Variants in TNPO2 observed in about 807,000 individuals in gnomAD.
TNPO2 encodes the protein transportin-2.
A neutral mutation model predicts 111.1 loss-of-function variants in TNPO2; 16 were observed. The observed-to-expected ratio is 0.14, with a 90% confidence interval of 0.10 to 0.22. TNPO2 has a LOEUF of 0.22. Ranked by LOEUF, TNPO2 falls within the 10% of genes least tolerant of loss-of-function variation. The probability of loss-of-function intolerance (pLI) is 1.00; values close to 1 mark genes in which losing one functional copy is unlikely to be tolerated. For missense variants in TNPO2, 530 were observed against 1,173.7 expected (o/e 0.45, Z 8.01); for synonymous variants, 481 against 475.8 (o/e 1.01, Z -0.14).
At chr19:12,713,552 T>C (rs1371266944) in intron 10 of TNPO2, among the ~76,000 whole-genome samples, 2 of 152,026 alleles carry the variant, frequency 1.3e-5, no homozygotes, top group Non-Finnish European at 2.9e-5. Context: ...GACTCACGCC[T>C]GTAATCCTAG....
chr19:12,717,689 A>T (rs1168804797), intron 5 of TNPO2, among the ~76,000 whole-genome samples: 1 of 151,750 alleles, frequency 6.6e-6, no homozygotes, highest in East Asian at 1.9e-4. Flanking sequence ...GTTACTTTTT[A>T]TTTTTGAGAT....
intron 13 of TNPO2, 71 bp downstream of exon 13, chr19:12,710,550 G>C (rs575784902): frequency 6.5e-7 from 1 of 1,540,068 alleles, no homozygotes; most frequent in African/African-American, 1.4e-5. Context: ...TGAGGCATTG[G>C]TGTGGCTAGT....
intron 12 of TNPO2, 61 bp downstream of exon 12, chr19:12,711,235 C>T: frequency 9.5e-6 from 15 of 1,576,734 alleles, no homozygotes; most frequent in Non-Finnish European, 1.3e-5. Flanking sequence ...CTTCTAGTCA[C>T]CTCCCAAGAG....
Position 12,702,200 on chromosome 19 carries a change from G to A in TNPO2, c.2306-23C>T. 1 of 1,600,974 alleles carries A rather than the reference G, an allele frequency of 6.2e-7. No homozygotes were observed. Among genetic ancestry groups the A allele is most frequent in the Non-Finnish European group, 8.5e-7 (1 of 1,171,214 alleles). On this transcript the variant is annotated intron_variant, in intron 21 of 25. Transcript: ENST00000425528. This position sits in a 1 kb window ranked among gnomAD's most constrained non-coding sequence, Gnocchi z 5.5. ...GACCTGCAACCCCGAGCGGCCCCGG[G>A]ACGGTACGTGGCGGGGCCTCTGGCA... is the stretch of plus-strand genomic sequence containing the variant.
chr19:12,715,125 C>A lies in TNPO2; in HGVS notation c.693G>T (p.Lys231Asn). The A allele has an allele frequency of 6.3e-7, 1 of 1,597,904 alleles. No homozygotes were observed. Among genetic ancestry groups the A allele is most frequent in the Non-Finnish European group, 8.5e-7 (1 of 1,170,714 alleles). ...GCATCACCAGGGCACGGCACACATTCTTCCGCACCTCGGGGTCATCATCCA... is the reference window on the plus strand; with the variant it reads ...GCATCACCAGGGCACGGCACACATTATTCCGCACCTCGGGGTCATCATCCA... ...LAVDDDPEVRKNVCRALVMLL... is the reference protein window; with the variant it reads ...LAVDDDPEVRNNVCRALVMLL... The change falls in exon 9 of 26, where the codon AAG (lysine) becomes AAT (asparagine). Residue 231 changes from lysine (K) to asparagine (N), a missense_variant. By Grantham distance (94) the Lys-to-Asn change is moderately conservative (BLOSUM62 0). This residue lies in a region of TNPO2 where 156 missense variants were observed against 405.8 expected (regional missense o/e 0.38). Transcript: ENST00000425528. This position sits in a 1 kb window ranked among gnomAD's most constrained non-coding sequence, Gnocchi z 7.1.
rs1370191232 is a variant in TNPO2 at position 12,705,473 on chromosome 19, C to T, written c.1863+19G>A. On this transcript the variant is annotated intron_variant, in intron 17 of 25. Coordinates refer to ENST00000425528, the MANE Select transcript of TNPO2 (RefSeq NM_001382241.1). The surrounding 1 kb of genome is among the most constrained non-coding windows in gnomAD (Gnocchi z 7.2). ...CAGGCCAATGCAGAAGCACAGGTGA[C>T]GGGCCTAGGGTTGCTCACCATGGCC... 9.5e-6 allele frequency: 15 copies of T among 1,581,824 alleles called. No homozygotes were observed. Among genetic ancestry groups the T allele is most frequent in the South Asian group, 2.3e-5 (2 of 86,410 alleles).
Position 12,706,710 on chromosome 19 carries a change from G to A in TNPO2, c.1356C>T (p.Arg452=). The A allele has an allele frequency of 6.2e-7, 1 of 1,613,866 alleles. No individual in the cohort carries two copies. The highest frequency in any genetic ancestry group is 8.5e-7 in the Non-Finnish European group (1 of 1,179,850). The change falls in exon 14 of 26, where the codon CGC becomes CGT. Residue 452 remains arginine, a synonymous_variant. Transcript: ENST00000425528. The surrounding 1 kb of genome is among the most constrained non-coding windows in gnomAD (Gnocchi z 7.0). ...GGCTCAGCGTCCAGCAGGCGATGGA[G>A]CGGACCAAGGCCTTCTTATCCGACA... ...QCLSDKKALV[R]SIACWTLSRY...
chr19:12,710,885 G>A, intron 12 of TNPO2, 112 bp from the exon 13 acceptor site: 8 of 1,144,832 alleles, frequency 7.0e-6, no homozygotes, highest in Non-Finnish European at 8.3e-6. Context: ...TTCACGATCA[G>A]CTTCTTTTTT....
chr19:12,720,892 C>A lies in TNPO2; in HGVS notation c.86G>T (p.Arg29Leu). Residue 29 changes from arginine to leucine, a missense_variant, in exon 3 of 26, where the codon CGC becomes CTC. Physicochemically the swap from Arg to Leu is moderately radical, Grantham distance 102. Around this residue, in one of 4 missense-constraint regions of TNPO2, gnomAD observed 156 missense variants for 405.8 expected, o/e 0.38. Transcript: ENST00000425528. ...DSQSPNTATQ[R>L]IVQDKLKQLN... is the part of the protein sequence containing the mutation. ...AAGGAAGGATACATCCTGCACGATG[C>A]GCTGAGTGGCTGTGTTGGGCGACTG... The A allele has an allele frequency of 6.2e-7, 1 of 1,603,276 alleles. No homozygotes were observed. The highest frequency in any genetic ancestry group is 8.5e-7 in the Non-Finnish European group (1 of 1,175,484).
rs937476258 is a variant in TNPO2, at chr19:12,706,082, T to C, written c.1668+114A>G. On this transcript the variant is annotated intron_variant, in intron 15 of 25. Coordinates refer to ENST00000425528, the MANE Select transcript of TNPO2 (RefSeq NM_001382241.1). The surrounding 1 kb of genome is among the most constrained non-coding windows in gnomAD (Gnocchi z 7.0). ...GCGAGGGCGGGGCCGGGTCTGTCTG[T>C]CTGCCTGTCGAGGTCACGGCCACGT... 2 of 1,225,516 alleles carry C rather than the reference T, an allele frequency of 1.6e-6. No homozygotes were observed. Among genetic ancestry groups the C allele is most frequent in the African/African-American group, 1.5e-5 (1 of 66,656 alleles). The allele number at this position is 1,225,516 out of a possible 1,614,324, so 75.9% of individuals were successfully genotyped here.
Position 12,701,846 on chromosome 19 carries a change from G to A in TNPO2, c.2417C>T (p.Thr806Met), listed in dbSNP as rs1369197620. 1.2e-6 allele frequency: 2 copies of A among 1,612,172 alleles called. No homozygotes were observed. The highest frequency in any genetic ancestry group is 1.7e-6 in the Non-Finnish European group (2 of 1,178,924). ...GTTGTCCCTGATGTTCCTGAGGGAC[G>A]TGCACCTGTGGGAAGGTGAGCAGCT... is the stretch of plus-strand genomic sequence containing the variant. ...MLQQFIRPWCTSLRNIRDNEE... is the reference protein window; with the variant it reads ...MLQQFIRPWCMSLRNIRDNEE... Residue 806 changes from threonine to methionine, a missense_variant, in exon 23 of 26, where the codon ACG becomes ATG. This residue lies in a region of TNPO2 where 103 missense variants were observed against 156.7 expected (regional missense o/e 0.66). Transcript: ENST00000425528. The surrounding 1 kb of genome is among the most constrained non-coding windows in gnomAD (Gnocchi z 5.0).
Position 12,701,223 on chromosome 19 carries a change from G to T in TNPO2, c.*41C>A. The T allele has an allele frequency of 1.3e-6, 1 of 760,478 alleles. No individual in the cohort carries two copies. Among genetic ancestry groups the T allele is most frequent in the Non-Finnish European group, 2.1e-6 (1 of 470,990 alleles). The allele number at this position is 760,478 out of a possible 1,614,324, so 47.1% of individuals were successfully genotyped here. A position where few individuals can be genotyped will look rare whatever the true frequency, so the allele number is the denominator to read the frequency against. ...CAGCGCACTCCCCAGTAATCCCTCC[G>T]ACGACGACGCAGACAGAAACCTGCA... On this transcript the variant is annotated 3_prime_UTR_variant, in exon 26 of 26. Transcript: ENST00000425528. This position sits in a 1 kb window ranked among gnomAD's most constrained non-coding sequence, Gnocchi z 5.0.
chr19:12,720,515 C>A (rs147212774), intron 3 of TNPO2, among the ~76,000 whole-genome samples: 4,583 of 151,348 alleles, frequency 0.03, 222 homozygotes, highest in African/African-American at 0.1. Context: ...GAGATGGGGT[C>A]TCCCTATGTT....
At chr19:12,707,479 C>CTTTTT (rs56817777) in intron 13 of TNPO2, among the ~76,000 whole-genome samples, 11 of 75,022 alleles carry the variant, frequency 1.5e-4, no homozygotes, top group Non-Finnish European at 2.0e-4. Context: ...TGTGAGTTTT[C>CTTTTT]TTTTTTTTTT....
chr19:12,718,935 G>A (rs2026517688), intron 5 of TNPO2, 94 bp downstream of exon 5: 3 of 1,489,022 alleles, frequency 2.0e-6, no homozygotes, highest in East Asian at 2.3e-5. Context: ...TACCATAGAG[G>A]GTGCCAGAGC....
chr19:12,721,918 A>C lies in TNPO2; in HGVS notation c.-13-928T>G, dbSNP rs1381544656. On this transcript the variant is annotated intron_variant, in intron 2 of 25. Coordinates refer to ENST00000425528, the MANE Select transcript of TNPO2 (RefSeq NM_001382241.1). This position sits in a 1 kb window ranked among gnomAD's most constrained non-coding sequence, Gnocchi z 4.9. ...TGGTCCGATCCTTGCAGCCTCCCCC[A>C]GTTCGGCCTGGGTAAACACCCCCCG... is the stretch of plus-strand genomic sequence containing the variant. Among the ~76,000 whole-genome samples, 1 of 94,388 alleles carries C rather than the reference A, an allele frequency of 1.1e-5. No homozygotes were observed. Among genetic ancestry groups the C allele is most frequent in the Non-Finnish European group, 2.1e-5 (1 of 47,204 alleles). 61.9% of individuals were successfully genotyped at this position (94,388 alleles called of 152,430 possible).
At position 12,719,213 on chromosome 19, in the gene TNPO2, G is replaced by C. The variant is rs746173753; in HGVS notation, c.176-35C>G. On this transcript the variant is annotated intron_variant, in intron 4 of 25. Coordinates refer to ENST00000425528, the MANE Select transcript of TNPO2 (RefSeq NM_001382241.1). The surrounding 1 kb of genome is among the most constrained non-coding windows in gnomAD (Gnocchi z 5.0). Reference sequence around the variant, plus strand: ...GGAAGGCTGAGGTTCAGGGGCCCAGGGGGAGAAAGCAGGGTCCCGATCGCA... The same window carrying C: ...GGAAGGCTGAGGTTCAGGGGCCCAGCGGGAGAAAGCAGGGTCCCGATCGCA... 5 of 1,613,866 alleles carry C rather than the reference G, an allele frequency of 3.1e-6. No individual in the cohort carries two copies. Among genetic ancestry groups the C allele is most frequent in the East Asian group, 2.2e-5 (1 of 44,882 alleles).
chr19:12,705,785 A>T lies in TNPO2; in HGVS notation c.1669-17T>A, dbSNP rs756326634. 65 of 1,446,152 alleles carry T rather than the reference A, an allele frequency of 4.5e-5. No individual in the cohort carries two copies. The highest frequency in any genetic ancestry group is 5.8e-5 in the Non-Finnish European group (63 of 1,092,406). The allele number at this position is 1,446,152 out of a possible 1,614,324, so 89.6% of individuals were successfully genotyped here. A position where few individuals can be genotyped will look rare whatever the true frequency, so the allele number is the denominator to read the frequency against. ...GATGTATTCCTGGAGAGGGAGCACG[A>T]AATGGGCGCTCCCTGGGTCGGGGTG... On this transcript the variant is annotated splice_polypyrimidine_tract_variant and intron_variant, in intron 15 of 25. Coordinates refer to ENST00000425528, the MANE Select transcript of TNPO2 (RefSeq NM_001382241.1). The surrounding 1 kb of genome is among the most constrained non-coding windows in gnomAD (Gnocchi z 7.2).
Position 12,703,170 on chromosome 19 carries a change from A to AG in TNPO2, c.2210-253dup, listed in dbSNP as rs1158475448. The AG allele has an allele frequency of 5.1e-6, 3 of 586,114 alleles. No homozygotes were observed. The East Asian group carries it at 8.4e-5, about 16-fold the overall frequency. 36.3% of individuals were successfully genotyped at this position (586,114 alleles called of 1,614,324 possible). ...GGTGACAACACGCTGCCCAAGTCAA[A>AG]GGAAAAAAAAAGCCAAAGTCACCCA... On this transcript the variant is annotated intron_variant, in intron 20 of 25. Transcript: ENST00000425528.
Sources: gnomAD v4.1 joint callset for allele counts (sites outside exome capture counted in the v4.1 genomes callset) on GRCh38, gnomAD v4.1.1 for gene constraint, gnomAD v4.1.1 regional missense constraint, Gnocchi (gnomAD v3.1) non-coding constraint, MANE v1.5 for transcripts, NCBI Gene and HGNC (gene_info 2026-07-23, HGNC 2026-07-21) for gene names.